SAMMSON: variants seen among roughly 807,000 people sequenced by gnomAD.
SAMMSON encodes the protein survival associated mitochondrial melanoma specific oncogenic non-coding RNA.
At chr3:70,266,750 C>A (rs999848970) in intron 6 of SAMMSON, among the ~76,000 whole-genome samples, 8 of 152,114 alleles carry the variant, frequency 5.3e-5, no homozygotes, top group African/African-American at 1.9e-4. Flanking sequence ...CTGGCTTATA[C>A]TTTTCTTTTA....
At chr3:70,417,513 A>C (rs1355420414) in intron 2 of SAMMSON, among the ~76,000 whole-genome samples, 1 of 152,206 alleles carries the variant, frequency 6.6e-6, no homozygotes, top group African/African-American at 2.4e-5. Context: ...GAATTGGCTC[A>C]ATTAAAAATG....
chr3:70,337,774 A>G (rs1271482024), intron 7 of SAMMSON, among the ~76,000 whole-genome samples: 1 of 152,006 alleles, frequency 6.6e-6, no homozygotes, highest in Non-Finnish European at 1.5e-5. Context: ...AAATTTACAT[A>G]AAATTAAATA....
chr3:70,325,871 G>A (rs1013121208), intron 7 of SAMMSON, among the ~76,000 whole-genome samples: 1 of 152,098 alleles, frequency 6.6e-6, no homozygotes, highest in Non-Finnish European at 1.5e-5. Context: ...AGCCTGGATA[G>A]CCCTAACATA....
intron 4 of SAMMSON, among the ~76,000 whole-genome samples, chr3:70,220,364 G>T (rs1207702547): frequency 6.6e-6 from 1 of 152,034 alleles, no homozygotes; most frequent in Non-Finnish European, 1.5e-5. Context: ...CCAGGAGTTT[G>T]AAGCTGCAGT....
chr3:70,154,583 G>C (rs999164545), intron 4 of SAMMSON, among the ~76,000 whole-genome samples: 7 of 152,058 alleles, frequency 4.6e-5, no homozygotes, highest in Non-Finnish European at 7.4e-5. Context: ...GTCAAATTAA[G>C]ATTGCCTGGG....
chr3:70,152,907 T>G (rs1235273632), intron 4 of SAMMSON, among the ~76,000 whole-genome samples: 1 of 151,982 alleles, frequency 6.6e-6, no homozygotes, highest in Non-Finnish European at 1.5e-5. Flanking sequence ...AGCTATTTGG[T>G]CTTCCCACTC....
chr3:70,388,207 G>A (rs1701000173), intron 9 of SAMMSON, among the ~76,000 whole-genome samples: 1 of 152,096 alleles, frequency 6.6e-6, no homozygotes, highest in Non-Finnish European at 1.5e-5. Context: ...TAACCTGTAG[G>A]CCAAATCCAG....
chr3:70,126,592 G>A, intron 4 of SAMMSON: 1 of 428,174 alleles, frequency 2.3e-6, no homozygotes, highest in Non-Finnish European at 4.3e-6. Context: ...TATTGCAAAT[G>A]GCTGATAGAG....
chr3:70,311,666 T>A (rs1276592254), intron 7 of SAMMSON, among the ~76,000 whole-genome samples: 1 of 152,092 alleles, frequency 6.6e-6, no homozygotes, highest in Non-Finnish European at 1.5e-5. Flanking sequence ...AATCTATGTT[T>A]CCTGCAATAC....
intron 7 of SAMMSON, among the ~76,000 whole-genome samples, chr3:70,348,830 T>C (rs1266353959): frequency 6.6e-6 from 1 of 152,026 alleles, no homozygotes; most frequent in Admixed American, 6.5e-5. Flanking sequence ...ACATGGGAGC[T>C]CTGCGAGGGT....
At chr3:70,173,662 C>T (rs1456491902) in intron 4 of SAMMSON, among the ~76,000 whole-genome samples, 1 of 151,826 alleles carries the variant, frequency 6.6e-6, no homozygotes, top group Admixed American at 6.6e-5. Flanking sequence ...ATTAGTTGCT[C>T]ACAATGATCA....
At chr3:70,096,436 C>G (rs1044224712) in intron 4 of SAMMSON, among the ~76,000 whole-genome samples, 2 of 152,194 alleles carry the variant, frequency 1.3e-5, no homozygotes, top group South Asian at 2.1e-4. Flanking sequence ...TCCAGCTACT[C>G]AGGAGACTGA....
At chr3:70,054,148 C>A (rs2067157680) in intron 3 of SAMMSON, among the ~76,000 whole-genome samples, 1 of 152,104 alleles carries the variant, frequency 6.6e-6, no homozygotes, top group South Asian at 2.1e-4. Context: ...TGTAAGAAAT[C>A]TTGCTTTAGA....
At chr3:70,293,753 T>TAGGAAAAATATAACAATGAGTATCTGA in intron 7 of SAMMSON, among the ~76,000 whole-genome samples, 1 of 152,014 alleles carries the variant, frequency 6.6e-6, no homozygotes, top group African/African-American at 2.4e-5. Context: ...TGGATAGTCT[T>TAGGAAAAATATAACAATGAGTATCTGA]AGGAAAAATA....
At position 70,147,181 on chromosome 3, in the gene SAMMSON, T is replaced by G. The variant is rs1226574066; in HGVS notation, n.507+75616T>G. On this transcript the variant is annotated intron_variant and non_coding_transcript_variant, in intron 4 of 9. Coordinates refer to ENST00000642114, the Ensembl canonical transcript of SAMMSON. Reference sequence around the variant, plus strand: ...AGAAATAAAAAATGAACTAAATAAATGGAGCTACATCTGGTGTTCATGAAT... The same window carrying G: ...AGAAATAAAAAATGAACTAAATAAAGGGAGCTACATCTGGTGTTCATGAAT... Among the ~76,000 whole-genome samples the G allele has an allele frequency of 2.0e-5, 3 of 152,008 alleles. No individual in the cohort carries two copies. The East Asian group carries it at 5.8e-4, about 29-fold the overall frequency.
At chr3:70,200,776 T>C (rs923826205) in intron 4 of SAMMSON, among the ~76,000 whole-genome samples, 7 of 152,170 alleles carry the variant, frequency 4.6e-5, no homozygotes. Flanking sequence ...GTAATCCTCA[T>C]TTTTTAGATG....
At chr3:70,234,526 G>A (rs1701589874) in intron 4 of SAMMSON, among the ~76,000 whole-genome samples, 1 of 151,994 alleles carries the variant, frequency 6.6e-6, no homozygotes, top group East Asian at 1.9e-4. Context: ...GCATGCACCT[G>A]TAGTCCCAGA....
chr3:70,160,059 A>G (rs1379524293), intron 4 of SAMMSON, among the ~76,000 whole-genome samples: 4 of 152,066 alleles, frequency 2.6e-5, no homozygotes, highest in African/African-American at 7.2e-5. Flanking sequence ...TGTTAGACAC[A>G]TATTTTGCAA....
At chr3:70,233,326 C>T (rs2106746381) in intron 4 of SAMMSON, among the ~76,000 whole-genome samples, 1 of 152,208 alleles carries the variant, frequency 6.6e-6, no homozygotes, top group South Asian at 2.1e-4. Context: ...AGCAAGATGA[C>T]AGGAGCAAGA....
Sources: gnomAD v4.1 joint callset for allele counts (sites outside exome capture counted in the v4.1 genomes callset) on GRCh38, gnomAD v4.1.1 for gene constraint, MANE v1.5 for transcripts, NCBI Gene and HGNC (gene_info 2026-07-23, HGNC 2026-07-21) for gene names.